Variants in SLCO1B3 observed in about 807,000 individuals in gnomAD.
SLCO1B3 encodes the protein solute carrier organic anion transporter family member 1B3.
In SLCO1B3, 72 loss-of-function variants were observed where a neutral mutation model predicts 71.8. The ratio of observed to expected loss-of-function variants is 1.00; its 90% confidence interval spans 0.83 to 1.22. The LOEUF is 1.22. Ranked by LOEUF, SLCO1B3 falls within the 50% of genes most tolerant of loss-of-function variation. The pLI is 0.00. For missense variants in SLCO1B3, 911 were observed against 819.7 expected (o/e 1.11, Z -1.36); for synonymous variants, 298 against 278.4 (o/e 1.07, Z -0.70).
rs1421451736 is a variant in SLCO1B3, at chr12:20,875,220, A to C, written c.728-15A>C. On this transcript the variant is annotated splice_polypyrimidine_tract_variant and intron_variant, in intron 8 of 15. Coordinates refer to ENST00000381545, the MANE Select transcript of SLCO1B3 (RefSeq NM_019844.4). Reference sequence around the variant, plus strand: ...AAACGATTTTTGACTGGCTTCTTTTAACTGTTTCTCCTAGGCACTATCAGA... The same window carrying C: ...AAACGATTTTTGACTGGCTTCTTTTCACTGTTTCTCCTAGGCACTATCAGA... 3 of 1,611,484 alleles carry C rather than the reference A, an allele frequency of 1.9e-6. No individual in the cohort carries two copies. The African/African-American group carries it at 4.0e-5, about 22-fold the overall frequency.
At chr12:20,887,119 T>A (rs970276892) in intron 13 of SLCO1B3, among the ~76,000 whole-genome samples, 9 of 152,118 alleles carry the variant, frequency 5.9e-5, no homozygotes, top group Non-Finnish European at 1.3e-4. Flanking sequence ...TAATTATCAG[T>A]GAATGGAAAT....
In SLCO1B3 at chr12:20,880,788, C is replaced by T. The variant is rs149194107; in HGVS notation, c.1332-67C>T. On this transcript the variant is annotated intron_variant, in intron 11 of 15. Transcript: ENST00000381545. ...TTCCCCTCTCCTTATCCCCTTGTCT[C>T]CCTCTTCTGCTCTTTCTCTACTTCC... is the stretch of plus-strand genomic sequence containing the variant. 2.9e-4 allele frequency: 320 copies of T among 1,100,146 alleles called. 2 individuals carry two copies. In the African/African-American group the frequency reaches 4.7e-3, roughly 16 times the overall value. 68.1% of individuals were successfully genotyped at this position (1,100,146 alleles called of 1,614,324 possible).
At chr12:20,836,856 T>C (rs1258848282) in intron 3 of SLCO1B3, among the ~76,000 whole-genome samples, 1 of 152,148 alleles carries the variant, frequency 6.6e-6, no homozygotes, top group East Asian at 1.9e-4. Flanking sequence ...TTAGCCAGGA[T>C]GGTCTCGATC....
chr12:20,850,470 G>T (rs992648761), intron 3 of SLCO1B3, among the ~76,000 whole-genome samples: 2 of 151,750 alleles, frequency 1.3e-5, no homozygotes, highest in Non-Finnish European at 2.9e-5. Context: ...TCTTAGTAGA[G>T]ATGAGGTTTC....
chr12:20,881,045 T>C, intron 12 of SLCO1B3, 25 bp downstream of exon 12: 2 of 1,514,072 alleles, frequency 1.3e-6, no homozygotes, highest in South Asian at 1.2e-5. Context: ...TCACTTTTTC[T>C]CCTCTCCTTA....
At chr12:20,822,476 C>T (rs979882749) in intron 3 of SLCO1B3, among the ~76,000 whole-genome samples, 2 of 152,014 alleles carry the variant, frequency 1.3e-5, no homozygotes, top group Non-Finnish European at 1.5e-5. Flanking sequence ...AGGAACAAAT[C>T]ACAATGGTGG....
Position 20,916,382 on chromosome 12 carries a change from C to G in SLCO1B3, c.*135C>G. ...AATAAACTATAAAAAATGGGAGTAC[C>G]CATGGTTAGGATATAGCTATGCCTT... On this transcript the variant is annotated 3_prime_UTR_variant, in exon 16 of 16. Transcript: ENST00000381545. 1.3e-6 allele frequency: 1 copy of G among 792,092 alleles called. No homozygotes were observed. Among genetic ancestry groups the G allele is most frequent in the South Asian group, 1.9e-5 (1 of 53,432 alleles). The allele number at this position is 792,092 out of a possible 1,614,324, so 49.1% of individuals were successfully genotyped here. A position where few individuals can be genotyped will look rare whatever the true frequency, so the allele number is the denominator to read the frequency against.
At chr12:20,868,747 T>C (rs909262871) in intron 8 of SLCO1B3, among the ~76,000 whole-genome samples, 1 of 152,044 alleles carries the variant, frequency 6.6e-6, no homozygotes, top group Non-Finnish European at 1.5e-5. Context: ...TGTCTGGCTG[T>C]GCTGTTATTT....
At chr12:20,890,982 A>AT (rs1193361992) in intron 13 of SLCO1B3, among the ~76,000 whole-genome samples, 1 of 152,076 alleles carries the variant, frequency 6.6e-6, no homozygotes, top group African/African-American at 2.4e-5. Flanking sequence ...GCCAGACTAT[A>AT]TTTTTTAAGA....
At chr12:20,881,299 G>T (rs899276986) in intron 12 of SLCO1B3, among the ~76,000 whole-genome samples, 1 of 152,028 alleles carries the variant, frequency 6.6e-6, no homozygotes, top group Non-Finnish European at 1.5e-5. Flanking sequence ...GTTAGAATTT[G>T]AATGCATTTA....
intron 8 of SLCO1B3, among the ~76,000 whole-genome samples, chr12:20,869,186 C>G (rs1865431032): frequency 6.6e-6 from 1 of 152,144 alleles, no homozygotes; most frequent in African/African-American, 2.4e-5. Context: ...GGTGTTGTTC[C>G]TTGACACTTC....
At chr12:20,881,742 A>G (rs1865697895) in intron 12 of SLCO1B3, among the ~76,000 whole-genome samples, 2 of 152,146 alleles carry the variant, frequency 1.3e-5, no homozygotes, top group Non-Finnish European at 2.9e-5. Context: ...AATGATTGGA[A>G]ATTAGGTATG....
rs562423408 is a variant in SLCO1B3 at position 20,869,160 on chromosome 12, G to A, written c.728-6075G>A. Among the ~76,000 whole-genome samples the A allele has an allele frequency of 7.9e-5, 12 of 152,192 alleles. No individual in the cohort carries two copies. In the South Asian group the frequency reaches 1.2e-3, roughly 16 times the overall value. On this transcript the variant is annotated intron_variant, in intron 8 of 15. Coordinates refer to ENST00000381545, the MANE Select transcript of SLCO1B3 (RefSeq NM_019844.4). ...CGGGGAAAGGGTGACTCCCTTTCCC[G>A]GTCTGCTAAGTAGCGGGTGTTGTTC...
At chr12:20,873,002 A>G (rs1166487838) in intron 8 of SLCO1B3, among the ~76,000 whole-genome samples, 1 of 152,066 alleles carries the variant, frequency 6.6e-6, no homozygotes, top group Non-Finnish European at 1.5e-5. Flanking sequence ...CAGCACCTTT[A>G]CACATTTGAG....
intron 8 of SLCO1B3, among the ~76,000 whole-genome samples, chr12:20,865,826 A>G (rs1237034569): frequency 3.9e-5 from 6 of 152,136 alleles, no homozygotes; most frequent in Non-Finnish European, 7.4e-5. Context: ...AAACTCTTAT[A>G]GACCTTACAT....
chr12:20,881,924 C>T (rs1565600935), intron 12 of SLCO1B3, among the ~76,000 whole-genome samples: 1 of 152,188 alleles, frequency 6.6e-6, no homozygotes. Flanking sequence ...GCCCAATATC[C>T]TACCAACGTA....
chr12:20,899,210 A>G (rs1866079127), intron 14 of SLCO1B3, among the ~76,000 whole-genome samples: 1 of 152,178 alleles, frequency 6.6e-6, no homozygotes, highest in African/African-American at 2.4e-5. Flanking sequence ...CCTTATTGCC[A>G]TTTGCCTTTT....
chr12:20,883,344 A>C, intron 12 of SLCO1B3, 74 bp from the exon 13 acceptor site: 1 of 823,438 alleles, frequency 1.2e-6, no homozygotes, highest in South Asian at 2.8e-5. Flanking sequence ...ACTTCTTTAA[A>C]TATAATGGAA....
chr12:20,815,879 T>C, intron 3 of SLCO1B3, 57 bp downstream of exon 3: 2 of 1,089,820 alleles, frequency 1.8e-6, no homozygotes, highest in Non-Finnish European at 2.7e-6. Flanking sequence ...TTTTTATGTA[T>C]AGAAAGGCCA....
Sources: allele counts gnomAD v4.1 joint callset (sites outside exome capture counted in the v4.1 genomes callset), GRCh38; gene constraint gnomAD v4.1.1; transcripts MANE v1.5; gene names NCBI Gene and HGNC (gene_info 2026-07-23, HGNC 2026-07-21).